The following EBPL variants were observed in gnomAD, a reference collection of about 807,000 sequenced individuals.
EBPL encodes emopamil-binding protein-like.
Under a neutral mutation model 19.0 loss-of-function variants are expected in EBPL, and 20 were observed. That is an observed-to-expected ratio of 1.05 (90% CI 0.74 to 1.53). The LOEUF (loss-of-function observed/expected upper bound fraction) is 1.53, where lower values mean the gene tolerates loss of function less well. EBPL is among the 40% of genes most tolerant of loss of function. EBPL has a pLI of 0.00. For missense variants in EBPL, 219 were observed against 261.1 expected (o/e 0.84, Z 1.11); for synonymous variants, 107 against 117.0 (o/e 0.91, Z 0.55).
intron 1 of EBPL, among the ~76,000 whole-genome samples, chr13:49,672,781 T>G (rs1182803529): frequency 6.6e-6 from 1 of 152,082 alleles, no homozygotes; most frequent in African/African-American, 2.4e-5. Context: ...AAAATAAGGT[T>G]GGGTGTGGTG....
chr13:49,685,629 C>A (rs1337034811), intron 1 of EBPL, among the ~76,000 whole-genome samples: 2 of 152,148 alleles, frequency 1.3e-5, no homozygotes, highest in African/African-American at 4.8e-5. Context: ...AATCTCAGCA[C>A]TTTGGGAGGC....
intron 2 of EBPL, among the ~76,000 whole-genome samples, chr13:49,667,114 A>G (rs1465869022): frequency 2.6e-5 from 4 of 152,090 alleles, no homozygotes; most frequent in Admixed American, 6.6e-5. Flanking sequence ...GACGGATAGT[A>G]AGGGGCCCTG....
intron 2 of EBPL, chr13:49,668,682 A>G (rs774112906): frequency 2.0e-4 from 72 of 366,498 alleles, no homozygotes; most frequent in Admixed American, 6.6e-4. Flanking sequence ...AAAAAAAAAT[A>G]CCTGTTGGTA....
chr13:49,691,188 C>A, intron 1 of EBPL, 66 bp downstream of exon 1: 1 of 1,246,448 alleles, frequency 8.0e-7, no homozygotes, highest in East Asian at 3.1e-5. Flanking sequence ...CCCCCTCACC[C>A]CGCCTTGCCG....
intron 1 of EBPL, among the ~76,000 whole-genome samples, chr13:49,690,805 C>A (rs1954054251): frequency 6.6e-6 from 1 of 152,172 alleles, no homozygotes; most frequent in Admixed American, 6.5e-5. Context: ...ACATTAGACA[C>A]GGGTGTTTCG....
At chr13:49,681,431 C>T (rs1050461404) in intron 1 of EBPL, among the ~76,000 whole-genome samples, 1 of 152,142 alleles carries the variant, frequency 6.6e-6, no homozygotes, top group African/African-American at 2.4e-5. Flanking sequence ...GCTGAGATTA[C>T]AGGCACACGC....
intron 1 of EBPL, among the ~76,000 whole-genome samples, chr13:49,677,881 G>A (rs1953893736): frequency 1.3e-5 from 2 of 152,178 alleles, no homozygotes; most frequent in African/African-American, 4.8e-5. Flanking sequence ...CCTTCTGGTG[G>A]GTTCGTGGTC....
chr13:49,684,830 T>C (rs1368477989), intron 1 of EBPL, among the ~76,000 whole-genome samples: 2 of 152,210 alleles, frequency 1.3e-5, no homozygotes, highest in East Asian at 3.8e-4. Context: ...TATAAAGATA[T>C]CATTTAATCT....
Position 49,690,139 on chromosome 13 carries a change from G to C in EBPL, c.171+1115C>G, listed in dbSNP as rs546024159. On this transcript the variant is annotated intron_variant, in intron 1 of 3. Coordinates refer to ENST00000242827, the MANE Select transcript of EBPL (RefSeq NM_032565.5). Reference sequence around the variant, plus strand: ...CACTCCAGCCTGGGCAACAGTGTTAGACTCTGTCTCAAGAACAACAACAAA... The same window carrying C: ...CACTCCAGCCTGGGCAACAGTGTTACACTCTGTCTCAAGAACAACAACAAA... Among the ~76,000 whole-genome samples, 41 of 130,628 alleles carry C rather than the reference G, an allele frequency of 3.1e-4. 1 individual carries two copies. Among genetic ancestry groups the C allele is most frequent in the African/African-American group, 1.1e-3 (39 of 34,584 alleles). 85.7% of individuals were successfully genotyped at this position (130,628 alleles called of 152,430 possible).
intron 1 of EBPL, among the ~76,000 whole-genome samples, chr13:49,676,348 T>G (rs1953875467): frequency 6.6e-6 from 1 of 152,072 alleles, no homozygotes; most frequent in African/African-American, 2.4e-5. Flanking sequence ...TCCCAGCACT[T>G]TGGGAGGCTG....
At chr13:49,689,168 T>A (rs1179587403) in intron 1 of EBPL, among the ~76,000 whole-genome samples, 1 of 152,218 alleles carries the variant, frequency 6.6e-6, no homozygotes, top group Non-Finnish European at 1.5e-5. Context: ...AACTAAGGTA[T>A]GGTGTATTCA....
intron 1 of EBPL, among the ~76,000 whole-genome samples, chr13:49,690,416 T>C (rs1292892289): frequency 1.5e-5 from 1 of 67,702 alleles, no homozygotes. Flanking sequence ...AGGTCAACTT[T>C]ACAAAAAAAA....
At chr13:49,679,486 G>A (rs948576263) in intron 1 of EBPL, among the ~76,000 whole-genome samples, 1 of 152,166 alleles carries the variant, frequency 6.6e-6, no homozygotes, top group Non-Finnish European at 1.5e-5. Context: ...GGTTAAGCTT[G>A]AGCAAAAGCA....
intron 1 of EBPL, among the ~76,000 whole-genome samples, chr13:49,671,861 A>C (rs1953820145): frequency 6.6e-6 from 1 of 152,222 alleles, no homozygotes; most frequent in Non-Finnish European, 1.5e-5. Context: ...AACTCTGGGT[A>C]AGAGCAAGAT....
chr13:49,661,313 GAA>G (rs1965144828), intron 3 of EBPL, 105 bp from the exon 4 acceptor site: 1 of 935,878 alleles, frequency 1.1e-6, no homozygotes, highest in Non-Finnish European at 1.7e-6. Flanking sequence ...TCTTCGCTAT[GAA>G]AACCGTCCTA....
intron 2 of EBPL, among the ~76,000 whole-genome samples, chr13:49,663,720 G>A (rs547996648): frequency 2.2e-5 from 3 of 138,382 alleles, no homozygotes; most frequent in South Asian, 2.4e-4. Context: ...GGCAGATCAC[G>A]AGGTCAGGAG....
At chr13:49,663,005 G>A in intron 3 of EBPL, 52 bp downstream of exon 3, 1 of 1,605,720 alleles carries the variant, frequency 6.2e-7, no homozygotes, top group Non-Finnish European at 8.5e-7. Context: ...CCTAAGTGTT[G>A]GGACATGTAA....
chr13:49,682,991 T>C (rs1953958439), intron 1 of EBPL, among the ~76,000 whole-genome samples: 1 of 152,096 alleles, frequency 6.6e-6, no homozygotes, highest in Admixed American at 6.5e-5. Context: ...ATGAATTTAT[T>C]GAGCTAGAGT....
chr13:49,662,848 C>G (rs1023633363), intron 3 of EBPL, among the ~76,000 whole-genome samples: 2 of 152,036 alleles, frequency 1.3e-5, no homozygotes, highest in African/African-American at 4.8e-5. Flanking sequence ...ATTGCCTAGG[C>G]TGGTCTCAAA....
Sources: allele counts gnomAD v4.1 joint callset (sites outside exome capture counted in the v4.1 genomes callset), GRCh38; gene constraint gnomAD v4.1.1; transcripts MANE v1.5; gene names NCBI Gene and HGNC (gene_info 2026-07-23, HGNC 2026-07-21).